The following UTP11 variants were observed in gnomAD, a reference collection of about 807,000 sequenced individuals.
UTP11 encodes UTP11 small subunit processome component, also known as probable U3 small nucleolar RNA-associated protein 11.
Under a neutral mutation model 39.0 loss-of-function variants are expected in UTP11, and 29 were observed. The observed-to-expected ratio is 0.74, with a 90% CI of 0.55 to 1.01. The LOEUF (loss-of-function observed/expected upper bound fraction) is 1.01, where lower values mean the gene tolerates loss of function less well. UTP11 is among the 50% of genes least tolerant of loss of function. The pLI is 0.00. For synonymous variants in UTP11, 111 were observed against 105.0 expected (o/e 1.06, Z -0.35); for missense variants, 281 against 306.0 (o/e 0.92, Z 0.61).
Position 38,022,701 on chromosome 1 carries a change from A to G in UTP11, c.570A>G (p.Arg190=), listed in dbSNP as rs1293255827. 1.9e-6 allele frequency: 3 copies of G among 1,610,616 alleles called. No homozygotes were observed. Among genetic ancestry groups the G allele is most frequent in the Non-Finnish European group, 2.5e-6 (3 of 1,177,160 alleles). ...GAATGTGTGTGTTTCTTCTCCAGCG[A>G]ATAGCTAAAGAAAGGCAAAAGCAGT... ...KGVTNQTGLK[R]IAKERQKQYN... is the part of the protein sequence containing the mutation. Residue 190 remains arginine (R), a splice_region_variant and synonymous_variant, in exon 7 of 8, where the codon CGA becomes CGG. Transcript: ENST00000373014.
chr1:38,022,317 C>T (rs1408834177), intron 6 of UTP11, among the ~76,000 whole-genome samples: 1 of 152,140 alleles, frequency 6.6e-6, no homozygotes, highest in African/African-American at 2.4e-5. Context: ...CCTCATTTTT[C>T]TGCGTTTGTA....
Position 38,019,363 on chromosome 1 carries a change from A to G in UTP11, c.547A>G (p.Thr183Ala). The change falls in exon 6 of 8, where the codon ACC (threonine) becomes GCC (alanine). Residue 183 changes from threonine to alanine, a missense_variant. Thr to Ala is a moderately conservative substitution (Grantham distance 58, BLOSUM62 0). Coordinates refer to ENST00000373014, the MANE Select transcript of UTP11 (RefSeq NM_016037.4). ...GCAGAAAGAAAAAGTGAAAGGAGTTACCAATCAGACTGGACTTAAGGTAAT... is the reference window on the plus strand; with the variant it reads ...GCAGAAAGAAAAAGTGAAAGGAGTTGCCAATCAGACTGGACTTAAGGTAAT... ...TLQKEKVKGV[T>A]NQTGLKRIAK... The G allele has an allele frequency of 6.2e-7, 1 of 1,613,586 alleles. No homozygotes were observed.
chr1:38,021,812 G>A (rs1452700739), intron 6 of UTP11, among the ~76,000 whole-genome samples: 2 of 151,830 alleles, frequency 1.3e-5, no homozygotes, highest in African/African-American at 4.8e-5. Context: ...AGAATTGCTT[G>A]AACCCAGGAG....
intron 3 of UTP11, 143 bp downstream of exon 3, chr1:38,017,913 A>T: frequency 1.4e-6 from 1 of 703,566 alleles, no homozygotes; most frequent in East Asian, 2.8e-5. Flanking sequence ...TGTCCAAGGC[A>T]AACCCTCCAC....
intron 6 of UTP11, among the ~76,000 whole-genome samples, chr1:38,022,177 CTG>C: frequency 6.6e-6 from 1 of 152,264 alleles, no homozygotes; most frequent in South Asian, 2.1e-4. Flanking sequence ...TCTCAGGTGA[CTG>C]TGGCACTCAC....
intron 1 of UTP11, among the ~76,000 whole-genome samples, chr1:38,013,685 A>G (rs2148736103): frequency 6.6e-6 from 1 of 152,242 alleles, no homozygotes; most frequent in East Asian, 1.9e-4. Context: ...CCTCTTAACT[A>G]CAGTTCAGTC....
chr1:38,014,314 C>T (rs1400842856), intron 1 of UTP11, among the ~76,000 whole-genome samples: 2 of 151,874 alleles, frequency 1.3e-5, no homozygotes. Flanking sequence ...GAAGACCATC[C>T]TGAAAAGGTG....
At chr1:38,012,938 C>G (rs1286464262) in intron 1 of UTP11, 73 bp downstream of exon 1, 1 of 1,587,288 alleles carries the variant, frequency 6.3e-7, no homozygotes, top group Non-Finnish European at 8.6e-7. Context: ...CCTGTCGCCA[C>G]CGTGGGATCC....
intron 6 of UTP11, among the ~76,000 whole-genome samples, chr1:38,019,965 C>T (rs1041955834): frequency 6.6e-6 from 1 of 152,108 alleles, no homozygotes; most frequent in Admixed American, 6.6e-5. Context: ...AATTCTGACC[C>T]TGCGCTTTGT....
At chr1:38,016,641 T>A (rs1646708402) in intron 2 of UTP11, 1 of 505,104 alleles carries the variant, frequency 2.0e-6, no homozygotes, top group Admixed American at 3.3e-5. Flanking sequence ...TGTGAATTAT[T>A]TGTATTATGT....
At chr1:38,020,505 T>C (rs2148738746) in intron 6 of UTP11, among the ~76,000 whole-genome samples, 1 of 152,316 alleles carries the variant, frequency 6.6e-6, no homozygotes, top group Non-Finnish European at 1.5e-5. Flanking sequence ...GACATGCTTT[T>C]CCTGAAAGCC....
chr1:38,013,557 G>T (rs1306516379), intron 1 of UTP11, among the ~76,000 whole-genome samples: 3 of 152,116 alleles, frequency 2.0e-5, no homozygotes, highest in African/African-American at 7.2e-5. Context: ...CAGGAATCCC[G>T]TGCTTAATAT....
In UTP11 at chr1:38,023,723, G is replaced by T; in HGVS notation, c.*95G>T. 2.8e-6 allele frequency: 3 copies of T among 1,064,400 alleles called. No individual in the cohort carries two copies. Among genetic ancestry groups the T allele is most frequent in the Middle Eastern group, 2.1e-4 (1 of 4,760 alleles). 65.9% of individuals were successfully genotyped at this position (1,064,400 alleles called of 1,614,324 possible). On this transcript the variant is annotated 3_prime_UTR_variant, in exon 8 of 8. Coordinates refer to ENST00000373014, the MANE Select transcript of UTP11 (RefSeq NM_016037.4). ...ATTACTCCAAATGGCATGGTTTTCC[G>T]GTTTGTAACCATAACTAAATTGTCA... is the stretch of plus-strand genomic sequence containing the variant.
Position 38,021,531 on chromosome 1 carries a change from G to A in UTP11, c.568-1168G>A, listed in dbSNP as rs182497812. 9.0e-4 allele frequency among the ~76,000 whole-genome samples: 137 copies of A among 152,280 alleles called. 1 individual carries two copies. Among genetic ancestry groups the A allele is most frequent in the African/African-American group, 2.6e-3 (107 of 41,556 alleles). On this transcript the variant is annotated intron_variant, in intron 6 of 7. Coordinates refer to ENST00000373014, the MANE Select transcript of UTP11 (RefSeq NM_016037.4). The stretch of plus-strand genomic sequence containing the variant: ...TCTGAGAAAACCCCCCTTTCTCACT[G>A]GTATTTTGTGCAGATAGGTATATGT...
chr1:38,013,413 A>C (rs2148736014), intron 1 of UTP11, among the ~76,000 whole-genome samples: 1 of 152,368 alleles, frequency 6.6e-6, no homozygotes. Context: ...ACTGAGGTCC[A>C]GAGTGGTGAC....
At chr1:38,021,742 A>G (rs1299214586) in intron 6 of UTP11, among the ~76,000 whole-genome samples, 7 of 152,030 alleles carry the variant, frequency 4.6e-5, no homozygotes, top group African/African-American at 7.3e-5. Context: ...AAAATACAAA[A>G]ATTAGCCAGG....
chr1:38,017,657 C>A lies in UTP11; in HGVS notation c.126-11C>A. 1 of 1,409,358 alleles carries A rather than the reference C, an allele frequency of 7.1e-7. No individual in the cohort carries two copies. The highest frequency in any genetic ancestry group is 1.3e-5 in the South Asian group (1 of 75,424). The allele number at this position is 1,409,358 out of a possible 1,614,324, so 87.3% of individuals were successfully genotyped here. A position where few individuals can be genotyped will look rare whatever the true frequency, so the allele number is the denominator to read the frequency against. Reference sequence around the variant, plus strand: ...TTTTTTGCTATGAACCTCATTTAACCTGTCTTTTAGTGACTACCGTAAAAA... The same window carrying A: ...TTTTTTGCTATGAACCTCATTTAACATGTCTTTTAGTGACTACCGTAAAAA... On this transcript the variant is annotated splice_polypyrimidine_tract_variant and intron_variant, in intron 2 of 7. Coordinates refer to ENST00000373014, the MANE Select transcript of UTP11 (RefSeq NM_016037.4).
intron 6 of UTP11, among the ~76,000 whole-genome samples, chr1:38,021,277 C>T (rs1646736424): frequency 6.6e-6 from 1 of 152,142 alleles, no homozygotes; most frequent in African/African-American, 2.4e-5. Flanking sequence ...TTGTGGTAGT[C>T]CCTAAAGAGA....
intron 1 of UTP11, among the ~76,000 whole-genome samples, chr1:38,015,553 G>C (rs1029524244): frequency 2.0e-5 from 3 of 152,158 alleles, no homozygotes; most frequent in African/African-American, 7.2e-5. Flanking sequence ...CCAAGATTGT[G>C]GTGGGGATTA....
Sources: allele counts gnomAD v4.1 joint callset (sites outside exome capture counted in the v4.1 genomes callset), GRCh38; gene constraint gnomAD v4.1.1; transcripts MANE v1.5; gene names NCBI Gene and HGNC (gene_info 2026-07-23, HGNC 2026-07-21).